The following ZNF274 variants were observed in gnomAD, a reference collection of about 807,000 sequenced individuals.
ZNF274 encodes the protein zinc finger protein 274, also known as neurotrophin receptor-interacting factor homolog.
Under a neutral mutation model 42.5 loss-of-function variants are expected in ZNF274, and 23 were observed. The observed-to-expected ratio is 0.54, with a 90% CI of 0.39 to 0.77. The LOEUF is 0.77. Ranked by LOEUF, ZNF274 falls within the 30% of genes least tolerant of loss-of-function variation. ZNF274 has a pLI of 0.00. For synonymous variants in ZNF274, 292 were observed against 305.4 expected (o/e 0.96, Z 0.46); for missense variants, 679 against 806.5 (o/e 0.84, Z 1.91).
At chr19:58,187,176 C>A (rs1390414736) in intron 4 of ZNF274, 134 bp downstream of exon 4, 1 of 711,942 alleles carries the variant, frequency 1.4e-6, no homozygotes, top group Non-Finnish European at 2.3e-6. Context: ...GAACCAAACT[C>A]GAAGTTTTTC....
rs2075708342 is a variant in ZNF274 at position 58,187,006 on chromosome 19, C to G, written c.220C>G (p.Pro74Ala). ...SQLEEAEDFW[P>A]VERGIPQDTI... Reference sequence around the variant, plus strand: ...GTTAGAGGAGGCAGAAGATTTCTGGCCAGTGGAGAGAGGAATTCCTCAAGA... The same window carrying G: ...GTTAGAGGAGGCAGAAGATTTCTGGGCAGTGGAGAGAGGAATTCCTCAAGA... The change falls in exon 4 of 8, where the codon CCA becomes GCA. Residue 74 changes from proline (P) to alanine (A), a missense_variant. Transcript: ENST00000617501. 2 of 1,613,132 alleles carry G rather than the reference C, an allele frequency of 1.2e-6. No individual in the cohort carries two copies. The highest frequency in any genetic ancestry group is 2.7e-5 in the African/African-American group (2 of 74,904).
At chr19:58,200,745 T>C (rs2075900330) in intron 4 of ZNF274, among the ~76,000 whole-genome samples, 5 of 152,206 alleles carry the variant, frequency 3.3e-5, no homozygotes, top group Admixed American at 3.3e-4. Flanking sequence ...TAACAGGGTT[T>C]GGAACCCGGC....
Position 58,185,730 on chromosome 19 carries a change from G to T in ZNF274, c.52G>T (p.Asp18Tyr). The change falls in exon 3 of 8, where the codon GAT becomes TAT. Residue 18 changes from aspartate (D) to tyrosine (Y), a missense_variant. Physicochemically the swap from Asp to Tyr is radical, Grantham distance 160. Around this residue, in one of 2 missense-constraint regions of ZNF274, gnomAD observed 223 missense variants for 216.4 expected, o/e 1.03. Coordinates refer to ENST00000617501, the MANE Select transcript of ZNF274 (RefSeq NM_133502.3). ...TTTTTAGGAACCAGTGACCTTTGAA[G>T]ATGTAACACTGGGTTTTACCCCGGA... ...AWSCEPVTFE[D>Y]VTLGFTPEEW... 6.8e-7 allele frequency: 1 copy of T among 1,463,150 alleles called. No individual in the cohort carries two copies. Among genetic ancestry groups the T allele is most frequent in the Non-Finnish European group, 9.1e-7 (1 of 1,102,074 alleles). 90.6% of individuals were successfully genotyped at this position (1,463,150 alleles called of 1,614,324 possible). A position where few individuals can be genotyped will look rare whatever the true frequency, so the allele number is the denominator to read the frequency against.
chr19:58,195,751 T>C (rs533033469), intron 4 of ZNF274, among the ~76,000 whole-genome samples: 1 of 152,248 alleles, frequency 6.6e-6, no homozygotes, highest in South Asian at 2.1e-4. Context: ...GATGAAACTG[T>C]TCCACCCCAG....
chr19:58,200,295 C>T (rs189245783), intron 4 of ZNF274, among the ~76,000 whole-genome samples: 152 of 152,264 alleles, frequency 1.0e-3, no homozygotes, highest in Non-Finnish European at 1.9e-4. Context: ...TGCTCATTGG[C>T]CCTGCAGCTA....
At chr19:58,194,483 A>G (rs2075816603) in intron 4 of ZNF274, among the ~76,000 whole-genome samples, 1 of 143,118 alleles carries the variant, frequency 7.0e-6, no homozygotes, top group Non-Finnish European at 1.5e-5. Context: ...GGTTCAGGCA[A>G]TTCTCCTGCC....
intron 4 of ZNF274, among the ~76,000 whole-genome samples, chr19:58,193,445 C>CT (rs71188098): frequency 0.062 from 2,984 of 47,996 alleles, 62 homozygotes; most frequent in East Asian, 0.078. Context: ...CGCGCCTGGC[C>CT]TTTTTTTTTT....
chr19:58,194,846 C>T (rs990703934), intron 4 of ZNF274, among the ~76,000 whole-genome samples: 2 of 151,686 alleles, frequency 1.3e-5, no homozygotes, highest in African/African-American at 4.8e-5. Flanking sequence ...ACTAAAAATA[C>T]AAAAAATAGC....
intron 4 of ZNF274, among the ~76,000 whole-genome samples, chr19:58,201,281 G>A (rs1038408134): frequency 1.3e-5 from 2 of 151,194 alleles, no homozygotes; most frequent in African/African-American, 4.9e-5. Context: ...CAAGGTGCTG[G>A]GATTACAGGC....
chr19:58,212,345 T>C lies in ZNF274; in HGVS notation c.1164T>C (p.Ser388=), dbSNP rs773763643. The C allele has an allele frequency of 6.2e-7, 1 of 1,614,036 alleles. No homozygotes were observed. The highest frequency in any genetic ancestry group is 8.5e-7 in the Non-Finnish European group (1 of 1,179,894). Residue 388 remains serine, a synonymous_variant, in exon 8 of 8, where the codon TCT becomes TCC. Transcript: ENST00000617501. The surrounding 1 kb of genome is among the most constrained non-coding windows in gnomAD (Gnocchi z 4.6). The stretch of plus-strand genomic sequence containing the variant: ...ACACAGTGTTGAAGCAGATGGAGTC[T>C]GCTCAGGAAAAAGACCTTCCTCAGA... ...VQDTVLKQME[S]AQEKDLPQKK...
At chr19:58,183,646 G>C in intron 1 of ZNF274, 1 of 261,364 alleles carries the variant, frequency 3.8e-6, no homozygotes, top group East Asian at 7.9e-5. Context: ...GGGCGCCGCG[G>C]TGGAGAGAAC....
intron 4 of ZNF274, among the ~76,000 whole-genome samples, chr19:58,196,110 C>T (rs2075839006): frequency 6.6e-6 from 1 of 152,182 alleles, no homozygotes; most frequent in Admixed American, 6.5e-5. Context: ...AATGTCCCTT[C>T]AAGAACCATT....
intron 4 of ZNF274, among the ~76,000 whole-genome samples, chr19:58,204,320 G>A (rs1048294769): frequency 3.3e-5 from 5 of 152,032 alleles, no homozygotes; most frequent in Non-Finnish European, 7.4e-5. Context: ...CGCGGGTGTC[G>A]TAGTTCTGGG....
Position 58,213,007 on chromosome 19 carries a change from A to G in ZNF274, c.1826A>G (p.His609Arg). 6 of 1,614,018 alleles carry G rather than the reference A, an allele frequency of 3.7e-6. No homozygotes were observed. The highest frequency in any genetic ancestry group is 5.1e-6 in the Non-Finnish European group (6 of 1,179,882). Residue 609 changes from histidine to arginine, a missense_variant, in exon 8 of 8, where the codon CAT (histidine) becomes CGT (arginine). Physicochemically the swap from His to Arg is conservative, Grantham distance 29. This residue lies in a region of ZNF274 where 456 missense variants were observed against 590.1 expected (regional missense o/e 0.77). Transcript: ENST00000617501. ...CGCCAGAGCTCCCACCTCATCAGAC[A>G]TCAGAGGACTCACACCGGGGAGCGC... ...AFRQSSHLIR[H>R]QRTHTGERPY...
intron 4 of ZNF274, among the ~76,000 whole-genome samples, chr19:58,193,152 T>A (rs895897674): frequency 7.2e-6 from 1 of 139,526 alleles, no homozygotes; most frequent in African/African-American, 2.9e-5. Flanking sequence ...ATCTTTTTTC[T>A]TTTTTTTTTT....
chr19:58,200,336 A>G (rs1235767029), intron 4 of ZNF274, among the ~76,000 whole-genome samples: 2 of 152,218 alleles, frequency 1.3e-5, no homozygotes, highest in African/African-American at 4.8e-5. Context: ...ACAGATCTAG[A>G]ACATCTCATT....
chr19:58,186,371 A>T (rs938762181), intron 3 of ZNF274, among the ~76,000 whole-genome samples: 1 of 151,502 alleles, frequency 6.6e-6, no homozygotes, highest in Non-Finnish European at 1.5e-5. Flanking sequence ...GACCAACATG[A>T]TGAAACCCTG....
At chr19:58,200,969 A>G (rs1004268011) in intron 4 of ZNF274, among the ~76,000 whole-genome samples, 3 of 151,028 alleles carry the variant, frequency 2.0e-5, no homozygotes, top group Non-Finnish European at 4.4e-5. Context: ...AGCAGCAGCC[A>G]GAGAGAGGAA....
chr19:58,209,933 ACCT>A (rs1568712350), intron 5 of ZNF274, 25 bp from the exon 6 acceptor site: 4 of 1,575,918 alleles, frequency 2.5e-6, no homozygotes, highest in South Asian at 2.3e-5. Flanking sequence ...ACACCTGCTG[ACCT>A]CCTCTGGCTG....
Sources: allele counts gnomAD v4.1 joint callset (sites outside exome capture counted in the v4.1 genomes callset), GRCh38; gene constraint gnomAD v4.1.1; regional missense constraint gnomAD v4.1.1; non-coding constraint Gnocchi (gnomAD v3.1); transcripts MANE v1.5; gene names NCBI Gene and HGNC (gene_info 2026-07-23, HGNC 2026-07-21).